CHCHD3: variants seen among roughly 807,000 people sequenced by gnomAD.
CHCHD3 encodes MICOS complex subunit MIC19.
CHCHD3 carries 20 observed loss-of-function variants against 38.2 expected under a neutral mutation model. That is an observed-to-expected ratio of 0.52 (90% CI 0.37 to 0.76). The LOEUF is 0.76. CHCHD3 is among the 30% of genes least tolerant of loss of function. The probability of loss-of-function intolerance (pLI) is 0.00; values close to 1 mark genes in which losing one functional copy is unlikely to be tolerated. For missense variants in CHCHD3, 245 were observed against 279.2 expected, an observed-to-expected ratio of 0.88 and a Z score of 0.87; for synonymous variants, 82 against 100.0, an observed-to-expected ratio of 0.82 and a Z score of 1.07.
At chr7:132,814,772 A>G (rs536304727) in intron 6 of CHCHD3, among the ~76,000 whole-genome samples, 22 of 152,220 alleles carry the variant, frequency 1.4e-4, no homozygotes, top group Non-Finnish European at 3.1e-4. Flanking sequence ...AAATCAGATC[A>G]TATGTCATAT....
intron 4 of CHCHD3, among the ~76,000 whole-genome samples, chr7:132,913,456 CA>C (rs1023489596): frequency 1.3e-5 from 2 of 151,852 alleles, no homozygotes; most frequent in African/African-American, 4.8e-5. Context: ...ATCCATCAGG[CA>C]AAAAAACAGG....
intron 5 of CHCHD3, among the ~76,000 whole-genome samples, chr7:132,851,792 G>T (rs1344485402): frequency 6.6e-6 from 1 of 152,206 alleles, no homozygotes; most frequent in Non-Finnish European, 1.5e-5. Flanking sequence ...TCAATGAGGT[G>T]ATGCCACGTG....
At chr7:132,841,006 T>C (rs1217565343) in intron 5 of CHCHD3, among the ~76,000 whole-genome samples, 1 of 152,174 alleles carries the variant, frequency 6.6e-6, no homozygotes, top group Non-Finnish European at 1.5e-5. Flanking sequence ...CTTTAGGCTT[T>C]ATGTATGCTC....
chr7:132,847,676 C>T (rs1038566713), intron 5 of CHCHD3, among the ~76,000 whole-genome samples: 12 of 152,186 alleles, frequency 7.9e-5, no homozygotes, highest in African/African-American at 2.9e-4. Context: ...CACATTATTG[C>T]TCGATTTGAA....
At chr7:132,875,297 C>T (rs1562892858) in intron 5 of CHCHD3, among the ~76,000 whole-genome samples, 1 of 152,156 alleles carries the variant, frequency 6.6e-6, no homozygotes, top group African/African-American at 2.4e-5. Flanking sequence ...GGAACCCACC[C>T]CATTCCTGGA....
intron 2 of CHCHD3, among the ~76,000 whole-genome samples, chr7:133,042,290 C>T (rs1000672878): frequency 6.6e-6 from 1 of 152,172 alleles, no homozygotes; most frequent in African/African-American, 2.4e-5. Context: ...CATCACACTG[C>T]GGTAGTATTT....
intron 4 of CHCHD3, among the ~76,000 whole-genome samples, chr7:132,921,820 G>A (rs901118833): frequency 1.3e-5 from 2 of 152,180 alleles, no homozygotes; most frequent in African/African-American, 4.8e-5. Flanking sequence ...ACACTGGGTT[G>A]GTGAGAAGTC....
chr7:133,028,464 T>C (rs1041675240), intron 2 of CHCHD3, among the ~76,000 whole-genome samples: 1 of 152,142 alleles, frequency 6.6e-6, no homozygotes, highest in Non-Finnish European at 1.5e-5. Context: ...ACATTGAAAC[T>C]TAATTCCCAC....
intron 6 of CHCHD3, among the ~76,000 whole-genome samples, chr7:132,815,911 C>T (rs1216346810): frequency 6.6e-6 from 1 of 152,222 alleles, no homozygotes; most frequent in Non-Finnish European, 1.5e-5. Context: ...TCTTGACATT[C>T]TTTCAGGCTG....
intron 4 of CHCHD3, among the ~76,000 whole-genome samples, chr7:132,896,885 A>C (rs1350313851): frequency 6.6e-6 from 1 of 152,240 alleles, no homozygotes; most frequent in African/African-American, 2.4e-5. Context: ...GAAAGAGGAA[A>C]AAGTGGTAAA....
At chr7:132,971,801 C>T (rs1585687011) in intron 4 of CHCHD3, among the ~76,000 whole-genome samples, 2 of 152,150 alleles carry the variant, frequency 1.3e-5, no homozygotes, top group South Asian at 4.1e-4. Context: ...TAAAGAGGAA[C>T]GAAGCAATGC....
At chr7:132,793,791 G>C (rs1321041308) in intron 7 of CHCHD3, among the ~76,000 whole-genome samples, 1 of 152,196 alleles carries the variant, frequency 6.6e-6, no homozygotes, top group Non-Finnish European at 1.5e-5. Context: ...GTCATGTATA[G>C]TATTTTCCAT....
At chr7:132,849,259 C>T (rs1034030265) in intron 5 of CHCHD3, 2 of 152,220 alleles carry the variant, frequency 1.3e-5, no homozygotes, top group African/African-American at 2.4e-5. Flanking sequence ...ACCTATGCAA[C>T]TCTGCATGAA....
rs147627775 is a variant in CHCHD3 at position 132,972,800 on chromosome 7, G to A, written c.369+2369C>T. On this transcript the variant is annotated intron_variant, in intron 4 of 7. Transcript: ENST00000262570. ...ACAGATGCTGAAATACAGGAGTTGT[G>A]AGTACTACAATTTGTCATCTATACC... 1.2e-4 allele frequency: 114 copies of A among 985,362 alleles called. 1 individual carries two copies. The East Asian group carries it at 6.9e-3, about 60-fold the overall frequency. The allele number at this position is 985,362 out of a possible 1,614,324, so 61.0% of individuals were successfully genotyped here.
At chr7:132,959,376 G>C (rs78374189) in intron 4 of CHCHD3, among the ~76,000 whole-genome samples, 1 of 152,240 alleles carries the variant, frequency 6.6e-6, no homozygotes, top group East Asian at 1.9e-4. Context: ...CAGTGATGTG[G>C]GGACAAAAAT....
At chr7:132,800,372 T>C (rs1410153465) in intron 6 of CHCHD3, among the ~76,000 whole-genome samples, 3 of 152,220 alleles carry the variant, frequency 2.0e-5, no homozygotes, top group Non-Finnish European at 2.9e-5. Flanking sequence ...CTTAAGACTC[T>C]ATAACACAGT....
intron 4 of CHCHD3, among the ~76,000 whole-genome samples, chr7:132,957,105 AC>A (rs1811193989): frequency 6.6e-6 from 1 of 152,146 alleles, no homozygotes; most frequent in Non-Finnish European, 1.5e-5. Flanking sequence ...TCTGAAAACC[AC>A]CACAAAGACT....
chr7:132,881,115 C>A (rs532864940), intron 5 of CHCHD3, among the ~76,000 whole-genome samples: 102 of 152,278 alleles, frequency 6.7e-4, no homozygotes, highest in Non-Finnish European at 1.4e-3. Flanking sequence ...TTGACCTTCT[C>A]TCTCAGTAAA....
chr7:132,873,558 C>T (rs1251490440), intron 5 of CHCHD3, among the ~76,000 whole-genome samples: 6 of 151,768 alleles, frequency 4.0e-5, no homozygotes, highest in South Asian at 2.1e-4. Flanking sequence ...GGACTACAGG[C>T]GGGTGCCAAT....
Sources: gnomAD v4.1 joint callset for allele counts (sites outside exome capture counted in the v4.1 genomes callset) on GRCh38, gnomAD v4.1.1 for gene constraint, MANE v1.5 for transcripts, NCBI Gene and HGNC (gene_info 2026-07-23, HGNC 2026-07-21) for gene names.